CEP70: variants seen among roughly 807,000 people sequenced by gnomAD.
The protein encoded by CEP70 is centrosomal protein of 70 kDa.
A neutral mutation model predicts 90.9 loss-of-function variants in CEP70; 70 were observed. The observed-to-expected ratio is 0.77, with a 90% CI of 0.64 to 0.94. The LOEUF is 0.94. Ranked by LOEUF, CEP70 falls within the 40% of genes least tolerant of loss-of-function variation. The probability of loss-of-function intolerance (pLI) is 0.00; values close to 1 mark genes in which losing one functional copy is unlikely to be tolerated. For synonymous variants in CEP70, 220 were observed against 228.3 expected, an observed-to-expected ratio of 0.96 and a Z score of 0.33; for missense variants, 648 against 669.0, an observed-to-expected ratio of 0.97 and a Z score of 0.35.
intron 3 of CEP70, among the ~76,000 whole-genome samples, chr3:138,572,345 C>A (rs1576895262): frequency 6.6e-6 from 1 of 152,212 alleles, no homozygotes; most frequent in South Asian, 2.1e-4. Context: ...ATGCTTTAGT[C>A]TTTCTGATCA....
intron 13 of CEP70, among the ~76,000 whole-genome samples, chr3:138,504,787 T>C (rs1352003689): frequency 6.6e-6 from 1 of 152,212 alleles, no homozygotes; most frequent in Admixed American, 6.5e-5. Context: ...GCTGCTAGCT[T>C]ACTATCTGTT....
chr3:138,531,703 T>G (rs2037829342), intron 8 of CEP70: 1 of 149,560 alleles, frequency 6.7e-6, no homozygotes, highest in South Asian at 2.1e-4. Context: ...TTTTCCTTTT[T>G]TTTTTTTTTT....
At chr3:138,567,447 G>A (rs2040870771) in intron 6 of CEP70, among the ~76,000 whole-genome samples, 1 of 152,196 alleles carries the variant, frequency 6.6e-6, no homozygotes, top group African/African-American at 2.4e-5. Context: ...GGATTATTCT[G>A]AGTTGAAGGC....
At chr3:138,576,203 A>G (rs2108198245) in intron 2 of CEP70, among the ~76,000 whole-genome samples, 1 of 152,268 alleles carries the variant, frequency 6.6e-6, no homozygotes, top group Non-Finnish European at 1.5e-5. Context: ...TATTCAGGAG[A>G]CCCATCTCAT....
In CEP70 at chr3:138,529,305, G is replaced by GA. The variant is rs2037589179; in HGVS notation, c.781-19dup. On this transcript the variant is annotated intron_variant, in intron 9 of 17. Coordinates refer to ENST00000264982, the MANE Select transcript of CEP70 (RefSeq NM_024491.4). ...TGTAATGACTGCAACACATTTCATA[G>GA]AAAAATAATTAACTTTCTTAGATTA... 3 of 1,577,004 alleles carry GA rather than the reference G, an allele frequency of 1.9e-6. No homozygotes were observed. The East Asian group carries it at 6.7e-5, about 35-fold the overall frequency.
At chr3:138,533,138 G>A (rs1300238434) in intron 7 of CEP70, among the ~76,000 whole-genome samples, 1 of 152,074 alleles carries the variant, frequency 6.6e-6, no homozygotes, top group Non-Finnish European at 1.5e-5. Flanking sequence ...AAAATTAGCT[G>A]GGCGTCGTGG....
chr3:138,494,404 C>T lies in CEP70; in HGVS notation c.*611G>A, dbSNP rs919161218. On this transcript the variant is annotated 3_prime_UTR_variant, in exon 18 of 18. Coordinates refer to ENST00000264982, the MANE Select transcript of CEP70 (RefSeq NM_024491.4). ...TCAAGTCCTTATAAAAAGTGCATTA[C>T]ATCAAGATTGCAAAAGACACTTTTT... The T allele has an allele frequency of 3.3e-5, 5 of 152,204 alleles. No homozygotes were observed. The highest frequency in any genetic ancestry group is 1.2e-4 in the African/African-American group (5 of 41,442). 9.4% of individuals were successfully genotyped at this position (152,204 alleles called of 1,614,324 possible).
At chr3:138,586,226 C>T (rs1307000381) in intron 2 of CEP70, among the ~76,000 whole-genome samples, 6 of 152,022 alleles carry the variant, frequency 3.9e-5, no homozygotes, top group Non-Finnish European at 5.9e-5. Flanking sequence ...GGCACAATCT[C>T]GGCTCACTGC....
At chr3:138,497,333 A>T (rs1169521399) in intron 17 of CEP70, 3 of 981,944 alleles carry the variant, frequency 3.1e-6, no homozygotes, top group African/African-American at 1.8e-5. Context: ...CCATTCTTTA[A>T]AAAAAAAAAA....
At chr3:138,538,519 ACC>A (rs1440103991) in intron 6 of CEP70, among the ~76,000 whole-genome samples, 1 of 152,130 alleles carries the variant, frequency 6.6e-6, no homozygotes, top group East Asian at 1.9e-4. Flanking sequence ...ATTGTAAAGA[ACC>A]TCTATGTAAA....
At chr3:138,553,033 G>A (rs989387322) in intron 6 of CEP70, among the ~76,000 whole-genome samples, 8 of 152,106 alleles carry the variant, frequency 5.3e-5, no homozygotes, top group Non-Finnish European at 7.4e-5. Context: ...GATCATTCAA[G>A]GCTACTATCA....
At chr3:138,537,440 C>T in intron 6 of CEP70, 93 bp from the exon 7 acceptor site, 1 of 798,064 alleles carries the variant, frequency 1.3e-6, no homozygotes, top group Non-Finnish European at 1.8e-6. Context: ...TTCATAGTTT[C>T]TACTGAGCTG....
chr3:138,570,179 GTGA>G, intron 6 of CEP70, 136 bp downstream of exon 6: 1 of 550,748 alleles, frequency 1.8e-6, no homozygotes, highest in Non-Finnish European at 3.2e-6. Flanking sequence ...TAGAAACCAA[GTGA>G]AGAGAATTTC....
Position 138,570,319 on chromosome 3 carries a change from T to G in CEP70, c.464A>C (p.Gln155Pro). The G allele has an allele frequency of 6.4e-7, 1 of 1,570,208 alleles. No individual in the cohort carries two copies. The highest frequency in any genetic ancestry group is 8.6e-7 in the Non-Finnish European group (1 of 1,160,170). ...KDLQKEQKTL[Q>P]VKCQHYKKKR... Reference sequence around the variant, plus strand: ...ATCTAAGAATTCATAACTCAGTACCTGTAAAGTTTTCTGCTCCTTTTGAAG... The same window carrying G: ...ATCTAAGAATTCATAACTCAGTACCGGTAAAGTTTTCTGCTCCTTTTGAAG... Residue 155 changes from glutamine to proline, a missense_variant and splice_region_variant, in exon 6 of 18, where the codon CAG becomes CCG. Physicochemically the swap from Gln to Pro is moderately conservative, Grantham distance 76. Coordinates refer to ENST00000264982, the MANE Select transcript of CEP70 (RefSeq NM_024491.4).
intron 2 of CEP70, among the ~76,000 whole-genome samples, chr3:138,587,450 T>A (rs183690446): frequency 2.0e-5 from 3 of 152,122 alleles, no homozygotes; most frequent in Non-Finnish European, 4.4e-5. Context: ...TTAAAATTCA[T>A]ACAGAGCTGC....
intron 2 of CEP70, among the ~76,000 whole-genome samples, chr3:138,584,281 G>C (rs78978066): frequency 0.01 from 1,564 of 151,814 alleles, 27 homozygotes; most frequent in African/African-American, 0.037. Flanking sequence ...ATAATAAAAA[G>C]TCCTCCAGCA....
At chr3:138,527,169 T>C (rs1422772704) in intron 10 of CEP70, among the ~76,000 whole-genome samples, 2 of 146,054 alleles carry the variant, frequency 1.4e-5, no homozygotes, top group Non-Finnish European at 3.1e-5. Flanking sequence ...TTAGAGTTTT[T>C]TGTTTTGTTT....
intron 1 of CEP70, chr3:138,593,934 T>C (rs528055917): frequency 4.3e-4 from 66 of 152,366 alleles, no homozygotes; most frequent in African/African-American, 1.5e-3. Flanking sequence ...TTACCAGCTT[T>C]AGTATACAAA....
At chr3:138,509,715 G>A (rs2035341975) in intron 11 of CEP70, among the ~76,000 whole-genome samples, 3 of 151,910 alleles carry the variant, frequency 2.0e-5, no homozygotes, top group Non-Finnish European at 4.4e-5. Flanking sequence ...ATGCTCACTA[G>A]TCTGAGTAGT....
Sources: gnomAD v4.1 joint callset for allele counts (sites outside exome capture counted in the v4.1 genomes callset) on GRCh38, gnomAD v4.1.1 for gene constraint, MANE v1.5 for transcripts, NCBI Gene and HGNC (gene_info 2026-07-23, HGNC 2026-07-21) for gene names.